CYP4V2: variants seen among roughly 807,000 people sequenced by gnomAD.
The protein encoded by CYP4V2 is cytochrome P450 family 4 subfamily V member 2, also known as cytochrome P450 4V2.
In CYP4V2, 55 loss-of-function variants were observed where a neutral mutation model predicts 60.8. The observed-to-expected ratio is 0.90, with a 90% CI of 0.73 to 1.13. The LOEUF (loss-of-function observed/expected upper bound fraction) is 1.13, where lower values mean the gene tolerates loss of function less well. Ranked by LOEUF, CYP4V2 falls within the 50% of genes most tolerant of loss-of-function variation. The pLI is 0.00. For missense variants in CYP4V2, 675 were observed against 662.9 expected (o/e 1.02, Z -0.20); for synonymous variants, 239 against 236.8 (o/e 1.01, Z -0.08).
At position 186,210,509 on chromosome 4, in the gene CYP4V2, G is replaced by C. The variant is rs141950964; in HGVS notation, c.1446G>C (p.Ser482=). The stretch of plus-strand genomic sequence containing the variant: ...TGATGGAAGAAAAGACCATTCTTTC[G>C]TGCATCCTGAGGCACTTTTGGATAG... ...FAVMEEKTIL[S]CILRHFWIES... The change falls in exon 11 of 11, where the codon TCG becomes TCC. Residue 482 remains serine, a synonymous_variant. Transcript: ENST00000378802. 4.3e-6 allele frequency: 7 copies of C among 1,614,036 alleles called. No homozygotes were observed. The African/African-American group carries it at 5.3e-5, about 12-fold the overall frequency.
At position 186,201,178 on chromosome 4, in the gene CYP4V2, G is replaced by A. The variant is rs34745240; in HGVS notation, c.823G>A (p.Glu275Lys). The stretch of plus-strand genomic sequence containing the variant: ...ACAGGTCATCGCTGAACGGGCCAAT[G>A]AAATGAACGCCAATGAAGACTGTAG... ...TNSVIAERAN[E>K]MNANEDCRGD... Residue 275 changes from glutamate to lysine, a missense_variant, in exon 7 of 11, where the codon GAA becomes AAA. Transcript: ENST00000378802. 0.029 allele frequency: 47,376 copies of A among 1,613,724 alleles called. 861 individuals carry two copies. Among genetic ancestry groups the A allele is most frequent in the African/African-American group, 0.065 (4,869 of 75,022 alleles).
intron 1 of CYP4V2, among the ~76,000 whole-genome samples, chr4:186,194,065 C>T (rs1487206657): frequency 6.6e-6 from 1 of 152,182 alleles, no homozygotes; most frequent in East Asian, 1.9e-4. Flanking sequence ...TGATTTCACC[C>T]AGCTCCCTTC....
chr4:186,210,362 C>A, intron 10 of CYP4V2, 107 bp from the exon 11 acceptor site: 1 of 1,431,810 alleles, frequency 7.0e-7, no homozygotes, highest in South Asian at 1.2e-5. Context: ...TCTCCTTCCA[C>A]CTACTGCGAA....
At chr4:186,207,533 TTA>T (rs1255871330) in intron 8 of CYP4V2, among the ~76,000 whole-genome samples, 1 of 147,620 alleles carries the variant, frequency 6.8e-6, no homozygotes, top group African/African-American at 2.5e-5. Context: ...ATATTAAAAA[TTA>T]TATAATATAT....
At position 186,196,942 on chromosome 4, in the gene CYP4V2, C is replaced by T; in HGVS notation, c.416C>T (p.Thr139Ile). ...PWLGLGLLTS[T>I]GNKWRSRRKM... is the part of the protein sequence containing the mutation. Reference sequence around the variant, plus strand: ...GTAACCACATATTTTATTTCTAGTACTGGAAACAAATGGCGCTCCAGGAGA... The same window carrying T: ...GTAACCACATATTTTATTTCTAGTATTGGAAACAAATGGCGCTCCAGGAGA... Residue 139 changes from threonine to isoleucine, a missense_variant and splice_region_variant, in exon 4 of 11, where the codon ACT becomes ATT. Physicochemically the swap from Thr to Ile is moderately conservative, Grantham distance 89. Transcript: ENST00000378802. 6.2e-7 allele frequency: 1 copy of T among 1,612,678 alleles called. No homozygotes were observed. The highest frequency in any genetic ancestry group is 2.2e-5 in the East Asian group (1 of 44,860).
rs1441824959 is a variant in CYP4V2, at chr4:186,194,611, A to G, written c.326A>G (p.Glu109Gly). 6.2e-7 allele frequency: 1 copy of G among 1,611,756 alleles called. No homozygotes were observed. Among genetic ancestry groups the G allele is most frequent in the Non-Finnish European group, 8.5e-7 (1 of 1,177,924 alleles). The part of the protein sequence containing the change: ...MVALYNAENV[E>G]VILTSSKQID... ...GCCCTTTATAATGCAGAAAATGTGG[A>G]GGTGGGTACATGTGAATATGATCAG... The change falls in exon 2 of 11, where the codon GAG becomes GGG. Residue 109 changes from glutamate to glycine, a missense_variant and splice_region_variant. Transcript: ENST00000378802.
intron 1 of CYP4V2, among the ~76,000 whole-genome samples, chr4:186,194,202 T>C (rs1006909776): frequency 6.6e-6 from 1 of 152,190 alleles, no homozygotes; most frequent in African/African-American, 2.4e-5. Context: ...TACTGGGCAG[T>C]CGTTAGAAAG....
At position 186,205,212 on chromosome 4, in the gene CYP4V2, A is replaced by G. The variant is rs770486749; in HGVS notation, c.1000A>G (p.Thr334Ala). The G allele has an allele frequency of 1.2e-6, 2 of 1,614,216 alleles. No homozygotes were observed. Among genetic ancestry groups the G allele is most frequent in the South Asian group, 2.2e-5 (2 of 91,086 alleles). The change falls in exon 8 of 11, where the codon ACT becomes GCT. Residue 334 changes from threonine to alanine, a missense_variant. Coordinates refer to ENST00000378802, the MANE Select transcript of CYP4V2 (RefSeq NM_207352.4). Reference sequence around the variant, plus strand: ...TCTGCATTTGTAGGGGCACGATACAACTGCAGCTGCAATAAACTGGTCCTT... The same window carrying G: ...TCTGCATTTGTAGGGGCACGATACAGCTGCAGCTGCAATAAACTGGTCCTT... Reference protein sequence around the residue: ...DTFMFEGHDTTAAAINWSLYL... With the variant: ...DTFMFEGHDTAAAAINWSLYL...
Position 186,212,559 on chromosome 4 carries a change from A to T in CYP4V2, c.*1918A>T, listed in dbSNP as rs572130681. 1.3e-5 allele frequency: 2 copies of T among 152,164 alleles called. No individual in the cohort carries two copies. Among genetic ancestry groups the T allele is most frequent in the Non-Finnish European group, 2.9e-5 (2 of 68,046 alleles). The allele number at this position is 152,164 out of a possible 1,614,324, so 9.4% of individuals were successfully genotyped here. A position where few individuals can be genotyped will look rare whatever the true frequency, so the allele number is the denominator to read the frequency against. ...AGAATCACAATTACCTTTATATATC[A>T]TATGTTATTGGAAGAGATTCCTCAG... On this transcript the variant is annotated 3_prime_UTR_variant, in exon 11 of 11. Coordinates refer to ENST00000378802, the MANE Select transcript of CYP4V2 (RefSeq NM_207352.4).
At position 186,194,548 on chromosome 4, in the gene CYP4V2, C is replaced by A; in HGVS notation, c.263C>A (p.Pro88Gln). The A allele has an allele frequency of 1.2e-6, 2 of 1,614,066 alleles. No homozygotes were observed. Among genetic ancestry groups the A allele is most frequent in the South Asian group, 1.1e-5 (1 of 91,034 alleles). ...TACACAGAGGAATACCGCCACATGC[C>A]GCTGCTGAAGCTCTGGGTCGGGCCA... is the stretch of plus-strand genomic sequence containing the variant. ...IEYTEEYRHM[P>Q]LLKLWVGPVP... Residue 88 changes from proline (P) to glutamine (Q), a missense_variant, in exon 2 of 11, where the codon CCG becomes CAG. By Grantham distance (76) the Pro-to-Gln change is moderately conservative. Coordinates refer to ENST00000378802, the MANE Select transcript of CYP4V2 (RefSeq NM_207352.4).
In CYP4V2 at chr4:186,197,135, G is replaced by A; in HGVS notation, c.604+5G>A. The A allele has an allele frequency of 6.2e-7, 1 of 1,613,534 alleles. No individual in the cohort carries two copies. The highest frequency in any genetic ancestry group is 8.5e-7 in the Non-Finnish European group (1 of 1,179,946). On this transcript the variant is annotated splice_donor_5th_base_variant and intron_variant, in intron 4 of 10. Coordinates refer to ENST00000378802, the MANE Select transcript of CYP4V2 (RefSeq NM_207352.4). ...GTGCCTTAGATATCATCTGTGGTGA[G>A]TCTCATCGATCTGTTTCTAAATTTA...
chr4:186,200,086 TG>T (rs11329360), intron 6 of CYP4V2, among the ~76,000 whole-genome samples: 57,658 of 151,980 alleles, frequency 0.38, 11,202 homozygotes, highest in Non-Finnish European at 0.41. Flanking sequence ...CCTTAAATTT[TG>T]TGCATTAATA....
At chr4:186,200,108 ATAAT>A (rs1736264184) in intron 6 of CYP4V2, among the ~76,000 whole-genome samples, 2 of 152,212 alleles carry the variant, frequency 1.3e-5, no homozygotes, top group Non-Finnish European at 2.9e-5. Context: ...TTTAATAGCA[ATAAT>A]TAAATGAATT....
At chr4:186,194,809 A>T (rs1404716481) in intron 2 of CYP4V2, among the ~76,000 whole-genome samples, 197 bp downstream of exon 2, 1 of 152,230 alleles carries the variant, frequency 6.6e-6, no homozygotes, top group Non-Finnish European at 1.5e-5. Context: ...CATTCTCCAG[A>T]TATAAGTGCA....
In CYP4V2 at chr4:186,210,748, A is replaced by T. The variant is rs566193273; in HGVS notation, c.*107A>T. The T allele has an allele frequency of 2.9e-6, 4 of 1,399,614 alleles. No individual in the cohort carries two copies. The highest frequency in any genetic ancestry group is 2.9e-5 in the African/African-American group (2 of 69,800). 86.7% of individuals were successfully genotyped at this position (1,399,614 alleles called of 1,614,324 possible). On this transcript the variant is annotated 3_prime_UTR_variant, in exon 11 of 11. Coordinates refer to ENST00000378802, the MANE Select transcript of CYP4V2 (RefSeq NM_207352.4). ...AGTTCAATATGCTTGAATCCCCTAG[A>T]CCTAATTTTTCCTTGATCCCACTGA...
intron 5 of CYP4V2, 133 bp downstream of exon 5, chr4:186,197,735 T>G: frequency 2.3e-6 from 2 of 874,422 alleles, no homozygotes; most frequent in South Asian, 2.9e-5. Flanking sequence ...AACCTCATCA[T>G]GTAAGCATGT....
intron 2 of CYP4V2, 71 bp downstream of exon 2, chr4:186,194,683 ATAACG>A (rs1736096984): frequency 7.2e-7 from 1 of 1,393,202 alleles, no homozygotes; most frequent in Admixed American, 1.7e-5. Flanking sequence ...CAGAATCAAT[ATAACG>A]TGTCCTTATA....
intron 4 of CYP4V2, 100 bp downstream of exon 4, chr4:186,197,230 AGGGTGACG>A: frequency 7.1e-7 from 1 of 1,409,280 alleles, no homozygotes; most frequent in East Asian, 2.3e-5. Flanking sequence ...GGGACGGGAA[AGGGTGACG>A]GGCTCTTCAG....
chr4:186,194,308 GA>G (rs1736078109), intron 1 of CYP4V2, among the ~76,000 whole-genome samples, 191 bp from the exon 2 acceptor site: 1 of 152,068 alleles, frequency 6.6e-6, no homozygotes, highest in Non-Finnish European at 1.5e-5. Flanking sequence ...ATACTATGTT[GA>G]AAAAAACTTT....
Sources: gnomAD v4.1 joint callset for allele counts (sites outside exome capture counted in the v4.1 genomes callset) on GRCh38, gnomAD v4.1.1 for gene constraint, MANE v1.5 for transcripts, NCBI Gene and HGNC (gene_info 2026-07-23, HGNC 2026-07-21) for gene names.